The following EYS variants were observed in gnomAD, a reference collection of about 807,000 sequenced individuals.
EYS encodes EGF-like photoreceptor maintenance factor.
In EYS, 250 loss-of-function variants were observed where a neutral mutation model predicts 282.1. The ratio of observed to expected loss-of-function variants is 0.89; its 90% CI spans 0.80 to 0.98. The LOEUF (loss-of-function observed/expected upper bound fraction) is 0.98, where lower values mean the gene tolerates loss of function less well. EYS is among the 50% of genes least tolerant of loss of function. The pLI is 0.00. For synonymous variants in EYS, 1,355 were observed against 1,282.9 expected (o/e 1.06, Z -1.20); for missense variants, 4,016 against 3,709.0 (o/e 1.08, Z -2.15).
intron 2 of EYS, among the ~76,000 whole-genome samples, chr6:65,586,231 C>G (rs988871530): frequency 6.6e-6 from 1 of 151,952 alleles, no homozygotes; most frequent in Admixed American, 6.6e-5. Context: ...AGGCTTTTAA[C>G]TGAACAGAAG....
At chr6:65,093,498 A>G (rs1330752211) in intron 12 of EYS, among the ~76,000 whole-genome samples, 2 of 152,014 alleles carry the variant, frequency 1.3e-5, no homozygotes, top group Non-Finnish European at 2.9e-5. Flanking sequence ...TGTGAAATCA[A>G]TAAGATAAAG....
At chr6:65,576,949 T>G (rs1582475919) in intron 2 of EYS, among the ~76,000 whole-genome samples, 1 of 151,820 alleles carries the variant, frequency 6.6e-6, no homozygotes, top group Admixed American at 6.6e-5. Context: ...ATATCTCCTC[T>G]TCATGGATTA....
intron 33 of EYS, among the ~76,000 whole-genome samples, chr6:64,060,099 A>G (rs1343599784): frequency 6.6e-6 from 1 of 152,182 alleles, no homozygotes; most frequent in Non-Finnish European, 1.5e-5. Context: ...TTCAAAAGTC[A>G]CCATCTGTTT....
At chr6:64,676,324 A>C (rs1361445801) in intron 22 of EYS, among the ~76,000 whole-genome samples, 1 of 145,776 alleles carries the variant, frequency 6.9e-6, no homozygotes, top group Non-Finnish European at 1.5e-5. Context: ...ATCTATATAT[A>C]TATATCTATA....
intron 2 of EYS, among the ~76,000 whole-genome samples, chr6:65,607,753 C>T (rs1377169681): frequency 2.0e-5 from 3 of 151,800 alleles, no homozygotes; most frequent in African/African-American, 7.2e-5. Context: ...TAAAACCACA[C>T]ACATACATTA....
At chr6:64,864,608 TCTC>T (rs201331114) in intron 19 of EYS, among the ~76,000 whole-genome samples, 9,058 of 150,630 alleles carry the variant, frequency 0.06, 300 homozygotes, top group East Asian at 0.17. Flanking sequence ...ATAGTCTCGA[TCTC>T]CTGACCCTGT....
In EYS at chr6:64,856,326, G is replaced by A. The variant is rs552903079; in HGVS notation, c.2992+30371C>T. 2.0e-5 allele frequency among the ~76,000 whole-genome samples: 3 copies of A among 152,042 alleles called. No individual in the cohort carries two copies. In the East Asian group the frequency reaches 5.8e-4, roughly 29 times the overall value. On this transcript the variant is annotated intron_variant, in intron 19 of 42. Coordinates refer to ENST00000503581, the MANE Select transcript of EYS (RefSeq NM_001142800.2). The stretch of plus-strand genomic sequence containing the variant: ...TTGGTATTTTTTTTTCCCAGAAAGG[G>A]TCTCACTCTCATCACCCAGGATGGA...
chr6:64,996,442 C>T (rs530885747), intron 14 of EYS, among the ~76,000 whole-genome samples: 17 of 152,076 alleles, frequency 1.1e-4, no homozygotes, highest in East Asian at 1.9e-4. Context: ...TAAGAGCAGG[C>T]GACGAAATCT....
At chr6:64,371,835 C>T (rs188738610) in intron 29 of EYS, among the ~76,000 whole-genome samples, 63 of 152,174 alleles carry the variant, frequency 4.1e-4, no homozygotes, top group Admixed American at 1.8e-3. Context: ...TAAAAGAGCA[C>T]CCCTTGCCTT....
At chr6:65,198,919 TCC>T (rs1765834194) in intron 12 of EYS, among the ~76,000 whole-genome samples, 1 of 152,060 alleles carries the variant, frequency 6.6e-6, no homozygotes, top group Non-Finnish European at 1.5e-5. Context: ...CAGAGATGTC[TCC>T]TAAGTATTTG....
intron 31 of EYS, among the ~76,000 whole-genome samples, chr6:64,209,425 G>T (rs952012826): frequency 2.6e-5 from 4 of 152,036 alleles, no homozygotes; most frequent in African/African-American, 9.7e-5. Context: ...TTTTGTCATA[G>T]TTGCATCTAA....
intron 12 of EYS, among the ~76,000 whole-genome samples, chr6:65,084,518 AAAT>A (rs1364652831): frequency 2.0e-5 from 3 of 152,248 alleles, no homozygotes; most frequent in Admixed American, 1.3e-4. Flanking sequence ...TTTAAAATAA[AAAT>A]AATATCTGCC....
intron 12 of EYS, among the ~76,000 whole-genome samples, chr6:65,269,543 C>A (rs915753587): frequency 1.3e-5 from 2 of 152,152 alleles, no homozygotes; most frequent in Admixed American, 6.6e-5. Context: ...TGATTCCTAT[C>A]TGTAAAGCTA....
At chr6:64,880,321 T>C (rs1251340579) in intron 19 of EYS, among the ~76,000 whole-genome samples, 2 of 152,006 alleles carry the variant, frequency 1.3e-5, no homozygotes, top group Non-Finnish European at 2.9e-5. Context: ...TGGTGCTTTT[T>C]TATATAATTG....
At chr6:65,706,193 T>C (rs1338836630) in intron 1 of EYS, among the ~76,000 whole-genome samples, 1 of 144,420 alleles carries the variant, frequency 6.9e-6, no homozygotes, top group African/African-American at 2.7e-5. Context: ...TATGAGTATA[T>C]ATATGAGCAT....
At chr6:64,776,342 A>G (rs1005335647) in intron 22 of EYS, among the ~76,000 whole-genome samples, 1 of 152,106 alleles carries the variant, frequency 6.6e-6, no homozygotes. Context: ...TCCTATTTAC[A>G]TCATAAAAGA....
chr6:64,003,782 G>T (rs775270508), intron 33 of EYS, among the ~76,000 whole-genome samples: 1 of 152,136 alleles, frequency 6.6e-6, no homozygotes, highest in Admixed American at 6.5e-5. Flanking sequence ...TCATGGAGGT[G>T]GTTACCTCCA....
At chr6:65,518,464 A>T (rs1343626881) in intron 2 of EYS, among the ~76,000 whole-genome samples, 1 of 152,180 alleles carries the variant, frequency 6.6e-6, no homozygotes, top group Non-Finnish European at 1.5e-5. Flanking sequence ...GTTTCCATGA[A>T]CATTAAAGAA....
intron 33 of EYS, among the ~76,000 whole-genome samples, chr6:64,024,160 C>T (rs1238563454): frequency 1.3e-5 from 2 of 152,230 alleles, no homozygotes; most frequent in African/African-American, 4.8e-5. Context: ...CACCTGCAGC[C>T]CTGGTGCGGG....
Sources: gnomAD v4.1 joint callset for allele counts (sites outside exome capture counted in the v4.1 genomes callset) on GRCh38, gnomAD v4.1.1 for gene constraint, MANE v1.5 for transcripts, NCBI Gene and HGNC (gene_info 2026-07-23, HGNC 2026-07-21) for gene names.